Variants in FAF1 observed in about 807,000 individuals in gnomAD.
The protein encoded by FAF1 is Fas associated factor 1, also known as FAS-associated factor 1.
FAF1 carries 25 observed loss-of-function variants against 92.5 expected under a neutral mutation model. The ratio of observed to expected loss-of-function variants is 0.27; its 90% CI spans 0.20 to 0.38. The LOEUF is 0.38. Among genes scored for constraint, FAF1 ranks in the 10% least tolerant of loss-of-function variants. The pLI is 1.00. For synonymous variants in FAF1, 234 were observed against 273.2 expected (o/e 0.86, Z 1.42); for missense variants, 636 against 793.3 (o/e 0.80, Z 2.38).
At chr1:50,902,507 A>G (rs1644803742) in intron 1 of FAF1, among the ~76,000 whole-genome samples, 1 of 152,216 alleles carries the variant, frequency 6.6e-6, no homozygotes, top group Non-Finnish European at 1.5e-5. Flanking sequence ...TAAAATTTTT[A>G]AATTACATAT....
In FAF1 at chr1:50,583,742, AAAAC is replaced by A. The variant is rs1334221682; in HGVS notation, c.968-31_968-28del. ...TAAAAAACAAACAAAAGAAAAAACA[AAAAC>A]AAAAAAACAAAACAAATAGACACAA... On this transcript the variant is annotated intron_variant, in intron 10 of 18. Transcript: ENST00000396153. The surrounding 1 kb of genome is among the most constrained non-coding windows in gnomAD (Gnocchi z 4.2). The A allele has an allele frequency of 6.8e-7, 1 of 1,460,726 alleles. No individual in the cohort carries two copies. Among genetic ancestry groups the A allele is most frequent in the Non-Finnish European group, 9.4e-7 (1 of 1,059,856 alleles). 90.5% of individuals were successfully genotyped at this position (1,460,726 alleles called of 1,614,324 possible). A position where few individuals can be genotyped will look rare whatever the true frequency, so the allele number is the denominator to read the frequency against.
chr1:50,685,306 C>T (rs540306773), intron 7 of FAF1, among the ~76,000 whole-genome samples: 1 of 152,328 alleles, frequency 6.6e-6, no homozygotes, highest in East Asian at 1.9e-4. Context: ...TACATTGTCT[C>T]ACTTTCATTC....
At chr1:50,443,134 C>T (rs1254293673) in intron 18 of FAF1, among the ~76,000 whole-genome samples, 1 of 152,244 alleles carries the variant, frequency 6.6e-6, no homozygotes, top group African/African-American at 2.4e-5. Flanking sequence ...TCTTAATTAA[C>T]ATGCCAGAGC....
intron 7 of FAF1, among the ~76,000 whole-genome samples, chr1:50,684,257 CTTTTTTTT>C (rs756495229): frequency 2.6e-5 from 3 of 114,434 alleles, no homozygotes; most frequent in South Asian, 2.8e-4. Context: ...TTCCAACAGA[CTTTTTTTT>C]TTTTTTTTTT....
At chr1:50,716,214 A>G (rs1005708978) in intron 6 of FAF1, among the ~76,000 whole-genome samples, 1 of 152,194 alleles carries the variant, frequency 6.6e-6, no homozygotes, top group Non-Finnish European at 1.5e-5. Flanking sequence ...CAATAGTAGT[A>G]GGCAAACTGT....
At chr1:50,704,001 T>C (rs775354671) in intron 7 of FAF1, among the ~76,000 whole-genome samples, 21 of 152,156 alleles carry the variant, frequency 1.4e-4, no homozygotes, top group Admixed American at 7.2e-4. Context: ...GCAAAATAAA[T>C]ATATGCCACT....
intron 6 of FAF1, among the ~76,000 whole-genome samples, chr1:50,712,698 G>C (rs539953048): frequency 7.3e-4 from 111 of 152,164 alleles, no homozygotes; most frequent in African/African-American, 2.6e-3. Flanking sequence ...AATTTGCAAA[G>C]ACATTTTTGC....
chr1:50,760,872 C>G (rs945868082), intron 4 of FAF1, among the ~76,000 whole-genome samples: 2 of 151,946 alleles, frequency 1.3e-5, no homozygotes, highest in African/African-American at 4.8e-5. Flanking sequence ...ACACAAAAAA[C>G]CCTTCAAAAA....
At chr1:50,693,907 GA>G (rs1227262521) in intron 7 of FAF1, among the ~76,000 whole-genome samples, 7 of 151,162 alleles carry the variant, frequency 4.6e-5, no homozygotes, top group Non-Finnish European at 1.0e-4. Context: ...TTTGAAATAA[GA>G]ATTATCAACA....
chr1:50,825,606 A>T (rs970132043), intron 2 of FAF1, among the ~76,000 whole-genome samples: 4 of 152,112 alleles, frequency 2.6e-5, no homozygotes, highest in Admixed American at 2.6e-4. Flanking sequence ...CCAGTAATTG[A>T]TAGAGAAGGG....
At position 50,765,845 on chromosome 1, in the gene FAF1, C is replaced by T. The variant is rs796797308; in HGVS notation, c.368-21070G>A. On this transcript the variant is annotated intron_variant, in intron 4 of 18. Transcript: ENST00000396153. ...GTGACTCACACCTGTAATCCCAGCACTTTGGAAGGCTGAGGCAGGTGGATG... is the reference window on the plus strand; with the variant it reads ...GTGACTCACACCTGTAATCCCAGCATTTTGGAAGGCTGAGGCAGGTGGATG... Among the ~76,000 whole-genome samples, 31 of 152,314 alleles carry T rather than the reference C, an allele frequency of 2.0e-4. 1 individual carries two copies. Among genetic ancestry groups the T allele is most frequent in the African/African-American group, 6.7e-4 (28 of 41,564 alleles).
intron 1 of FAF1, among the ~76,000 whole-genome samples, chr1:50,886,632 G>C (rs895748943): frequency 6.6e-6 from 1 of 151,828 alleles, no homozygotes; most frequent in Non-Finnish European, 1.5e-5. Context: ...TGTGGTGTTT[G>C]GTTTTTTCTC....
chr1:50,948,513 ATTTCTTTTTCT>A lies in FAF1; in HGVS notation c.45+11243_45+11253del, dbSNP rs1285898872. 9.4e-5 allele frequency among the ~76,000 whole-genome samples: 14 copies of A among 149,006 alleles called. No individual in the cohort carries two copies. The South Asian group carries it at 1.7e-3, about 18-fold the overall frequency. ...AAAATGGTGAAGATCTCAGACTCTT[ATTTCTTTTTCT>A]TTTCTTTTTCTTTTTTTTTTTTTTT... On this transcript the variant is annotated intron_variant, in intron 1 of 18. Coordinates refer to ENST00000396153, the MANE Select transcript of FAF1 (RefSeq NM_007051.3).
chr1:50,906,816 C>G (rs1644842769), intron 1 of FAF1, among the ~76,000 whole-genome samples: 1 of 152,170 alleles, frequency 6.6e-6, no homozygotes, highest in African/African-American at 2.4e-5. Context: ...ACAATCATGT[C>G]ATCTGCAAAC....
intron 4 of FAF1, among the ~76,000 whole-genome samples, chr1:50,746,261 TATATATATATATATATATATATATATA>T (rs1557506373): frequency 1.4e-4 from 3 of 21,518 alleles, no homozygotes; most frequent in African/African-American, 6.8e-4. Context: ...TATATATATA[TATATATATATATATATATATATATATA>T]TATATTTTTT....
At position 50,637,818 on chromosome 1, in the gene FAF1, A is replaced by T. The variant is rs1289861350; in HGVS notation, c.744+17624T>A. On this transcript the variant is annotated intron_variant, in intron 8 of 18. Coordinates refer to ENST00000396153, the MANE Select transcript of FAF1 (RefSeq NM_007051.3). ...AAGCTTTTAGTGTCCTCTCTCAGAA[A>T]TTTTTTCCTATCCCAAGATTTTCTC... 1.3e-5 allele frequency among the ~76,000 whole-genome samples: 2 copies of T among 151,194 alleles called. 1 individual carries two copies. Among genetic ancestry groups the T allele is most frequent in the Non-Finnish European group, 2.9e-5 (2 of 67,890 alleles).
intron 1 of FAF1, among the ~76,000 whole-genome samples, chr1:50,955,793 C>A (rs1251835631): frequency 1.3e-5 from 2 of 152,128 alleles, no homozygotes; most frequent in Non-Finnish European, 2.9e-5. Context: ...TACAATGGAA[C>A]ATTATTTAGC....
At chr1:50,870,069 T>G (rs1644514877) in intron 1 of FAF1, among the ~76,000 whole-genome samples, 1 of 152,246 alleles carries the variant, frequency 6.6e-6, no homozygotes, top group South Asian at 2.1e-4. Context: ...CAGTTTTAAT[T>G]TGCATGAATT....
chr1:50,622,199 G>C (rs559215932), intron 8 of FAF1, among the ~76,000 whole-genome samples: 1 of 151,232 alleles, frequency 6.6e-6, no homozygotes, highest in Admixed American at 6.6e-5. Context: ...AAAAAAGAAA[G>C]ATTACCCTGC....
Sources: gnomAD v4.1 joint callset for allele counts (sites outside exome capture counted in the v4.1 genomes callset) on GRCh38, gnomAD v4.1.1 for gene constraint, Gnocchi (gnomAD v3.1) non-coding constraint, MANE v1.5 for transcripts, NCBI Gene and HGNC (gene_info 2026-07-23, HGNC 2026-07-21) for gene names.